The following ZC3H12B variants were observed in gnomAD, a reference collection of about 807,000 sequenced individuals.
ZC3H12B encodes probable ribonuclease ZC3H12B.
A neutral mutation model predicts 43.9 loss-of-function variants in ZC3H12B; 7 were observed. That is an observed-to-expected ratio of 0.16 (90% CI 0.09 to 0.30). ZC3H12B has a LOEUF of 0.30. Among genes scored for constraint, ZC3H12B ranks in the 10% least tolerant of loss-of-function variants. The probability of loss-of-function intolerance (pLI) is 1.00; values close to 1 mark genes in which losing one functional copy is unlikely to be tolerated. For synonymous variants in ZC3H12B, 222 were observed against 241.7 expected, an observed-to-expected ratio of 0.92 and a Z score of 0.76; for missense variants, 475 against 670.2, an observed-to-expected ratio of 0.71 and a Z score of 3.22.
At chrX:65,401,077 A>G (rs1350547225) in intron 3 of ZC3H12B, among the ~76,000 whole-genome samples, 1 of 98,831 alleles carries the variant, frequency 1.0e-5, no homozygotes. Flanking sequence ...ATTACTATCT[A>G]CAGAGGAAAA....
intron 2 of ZC3H12B, among the ~76,000 whole-genome samples, chrX:65,498,200 C>T (rs760479932): frequency 8.9e-6 from 1 of 112,069 alleles, no homozygotes; most frequent in African/African-American, 3.2e-5. Context: ...CCACCACGCC[C>T]AGCCAATATT....
the ZC3H12B span, among the ~76,000 whole-genome samples, chrX:65,318,112 A>G: frequency 2.8e-5 from 3 of 109,004 alleles, no homozygotes; most frequent in African/African-American, 1.0e-4. Flanking sequence ...TTTACATAGT[A>G]GTAGTACTAG....
the ZC3H12B span, among the ~76,000 whole-genome samples, chrX:65,313,730 A>G: frequency 8.9e-6 from 1 of 112,344 alleles, no homozygotes; most frequent in Non-Finnish European, 1.9e-5. Context: ...ACCATACTTA[A>G]TAGTATAATA....
At chrX:65,054,586 A>G in the ZC3H12B span, among the ~76,000 whole-genome samples, 1 of 111,728 alleles carries the variant, frequency 9.0e-6, no homozygotes, top group African/African-American at 3.3e-5. Flanking sequence ...TTTTGGTTCT[A>G]TATGAACTTT....
chrX:65,194,390 A>G, the ZC3H12B span, among the ~76,000 whole-genome samples: 1 of 105,981 alleles, frequency 9.4e-6, no homozygotes, highest in African/African-American at 3.8e-5. Flanking sequence ...AACTTAAAGT[A>G]TAATAATAAT....
At chrX:65,189,977 A>C in the ZC3H12B span, among the ~76,000 whole-genome samples, 1 of 110,147 alleles carries the variant, frequency 9.1e-6, no homozygotes, top group East Asian at 2.8e-4. Flanking sequence ...TTTTTGTATA[A>C]GGTGTAAGGA....
chrX:65,461,847 A>AAT (rs1316248856), intron 3 of ZC3H12B, among the ~76,000 whole-genome samples: 21 of 110,562 alleles, frequency 1.9e-4, no homozygotes, highest in African/African-American at 6.9e-4. Flanking sequence ...AAAGCATAAT[A>AAT]AAAAAAATAA....
upstream of ZC3H12B, among the ~76,000 whole-genome samples, chrX:65,488,428 C>T (rs867701365): frequency 9.8e-5 from 7 of 71,261 alleles, no homozygotes; most frequent in Admixed American, 1.7e-4. Context: ...GGGTGGGGGG[C>T]GGGAATTACA....
chrX:65,039,013 A>AT, the ZC3H12B span, among the ~76,000 whole-genome samples: 2 of 111,131 alleles, frequency 1.8e-5, no homozygotes, highest in African/African-American at 6.5e-5. Flanking sequence ...GGAGCATAGC[A>AT]TTTTTTACTA....
chrX:65,442,118 T>A (rs981645345), intron 3 of ZC3H12B, among the ~76,000 whole-genome samples: 1 of 107,637 alleles, frequency 9.3e-6, no homozygotes, highest in Non-Finnish European at 1.9e-5. Context: ...ATGGAGTATT[T>A]CCTTTATCCA....
chrX:65,396,421 C>T lies in ZC3H12B; in HGVS notation n.296-2172C>T, dbSNP rs942556331. 1.8e-5 allele frequency among the ~76,000 whole-genome samples: 2 copies of T among 111,700 alleles called. 1 individual carries two copies. The highest frequency in any genetic ancestry group is 3.8e-5 in the Non-Finnish European group (2 of 53,118). On this transcript the variant is annotated intron_variant and non_coding_transcript_variant, in intron 2 of 5. Transcript: ENST00000617377. ...GTTTCGAATAACTTATTTATTTCTG[C>T]CTTTATTTCTTTATTTACCCAGTAG...
At chrX:65,111,095 G>T in the ZC3H12B span, among the ~76,000 whole-genome samples, 1 of 111,323 alleles carries the variant, frequency 9.0e-6, no homozygotes, top group Admixed American at 9.6e-5. Context: ...CTGAGACCTT[G>T]CTGAATTCAC....
chrX:65,391,172 C>A (rs2066610759), intron 2 of ZC3H12B, among the ~76,000 whole-genome samples: 2 of 112,021 alleles, frequency 1.8e-5, no homozygotes, highest in Non-Finnish European at 3.8e-5. Flanking sequence ...CTCCAAGTTA[C>A]AGAACATCTG....
At chrX:65,182,023 C>G in the ZC3H12B span, among the ~76,000 whole-genome samples, 10 of 111,966 alleles carry the variant, frequency 8.9e-5, no homozygotes, top group African/African-American at 2.9e-4. Flanking sequence ...CTATGATAGA[C>G]TGGATAAAGA....
At chrX:65,075,071 T>C in the ZC3H12B span, among the ~76,000 whole-genome samples, 1 of 112,300 alleles carries the variant, frequency 8.9e-6, no homozygotes, top group East Asian at 2.8e-4. Context: ...TCTTTATAGA[T>C]TGGCTTTGTG....
intron 3 of ZC3H12B, among the ~76,000 whole-genome samples, chrX:65,462,533 A>T (rs1292308497): frequency 2.7e-5 from 3 of 111,794 alleles, no homozygotes; most frequent in South Asian, 3.8e-4. Context: ...AGAATAAAAA[A>T]CTTCATTAAT....
intron 3 of ZC3H12B, among the ~76,000 whole-genome samples, chrX:65,466,830 C>T (rs1181199550): frequency 1.1e-5 from 1 of 92,972 alleles, no homozygotes; most frequent in Non-Finnish European, 2.2e-5. Context: ...TTTTGAGCAC[C>T]TTTTCTTATA....
the ZC3H12B span, among the ~76,000 whole-genome samples, chrX:65,317,069 AG>A: frequency 9.0e-6 from 1 of 111,462 alleles, no homozygotes; most frequent in Non-Finnish European, 1.9e-5. Flanking sequence ...TATAATGGTA[AG>A]GGGGTAAATT....
At chrX:65,221,348 C>T in the ZC3H12B span, among the ~76,000 whole-genome samples, 10 of 110,439 alleles carry the variant, frequency 9.1e-5, no homozygotes, top group African/African-American at 2.9e-4. Flanking sequence ...AGATTAGAGC[C>T]GAACTAAGTG....
Sources: allele counts gnomAD v4.1 joint callset (sites outside exome capture counted in the v4.1 genomes callset), GRCh38; gene constraint gnomAD v4.1.1; transcripts MANE v1.5; gene names NCBI Gene and HGNC (gene_info 2026-07-23, HGNC 2026-07-21).